SRGAP2: variants seen among roughly 807,000 people sequenced by gnomAD.
SRGAP2 encodes SLIT-ROBO Rho GTPase-activating protein 2.
In SRGAP2, 15 loss-of-function variants were observed where a neutral mutation model predicts 57.2. The ratio of observed to expected loss-of-function variants is 0.26; its 90% CI spans 0.18 to 0.40. SRGAP2 has a LOEUF of 0.40. Among genes scored for constraint, SRGAP2 ranks in the 10% least tolerant of loss-of-function variants. The pLI is 1.00. For missense variants in SRGAP2, 520 were observed against 669.6 expected (o/e 0.78, Z 2.47); for synonymous variants, 249 against 248.0 (o/e 1.00, Z -0.04).
At chr1:206,319,186 C>T (rs373035913) in intron 3 of SRGAP2, among the ~76,000 whole-genome samples, 13,918 of 140,334 alleles carry the variant, frequency 0.099, 1,108 homozygotes, top group African/African-American at 0.28. Context: ...CCGAGGCGGG[C>T]GGATCACGAG....
At chr1:206,314,535 G>A (rs2102805822) in intron 3 of SRGAP2, among the ~76,000 whole-genome samples, 1 of 152,348 alleles carries the variant, frequency 6.6e-6, no homozygotes, top group Middle Eastern at 3.4e-3. Flanking sequence ...GGTGTTGGAA[G>A]AGTATTGAAG....
intron 2 of SRGAP2, among the ~76,000 whole-genome samples, chr1:206,234,677 G>C (rs1233680677): frequency 1.3e-5 from 2 of 152,146 alleles, no homozygotes; most frequent in Non-Finnish European, 2.9e-5. Flanking sequence ...CAGAGACTTA[G>C]TTGAAAGCCC....
chr1:206,461,356 C>T lies in SRGAP2; in HGVS notation c.3152C>T (p.Ala1051Val), dbSNP rs1553380692. 1 of 780,886 alleles carries T rather than the reference C, an allele frequency of 1.3e-6. No individual in the cohort carries two copies. Among genetic ancestry groups the T allele is most frequent in the African/African-American group, 1.7e-5 (1 of 59,286 alleles). The allele number at this position is 780,886 out of a possible 1,614,324, so 48.4% of individuals were successfully genotyped here. ...CCCACTGTCTTCCCCAAAACAAATG[C>T]CACTAGCCCTGGTGTCAACTCATCA... ...PKPTVFPKTN[A>V]TSPGVNSSTS... Residue 1051 changes from alanine (A) to valine (V), a missense_variant, in exon 23 of 23, where the codon GCC becomes GTC. Coordinates refer to ENST00000573034, the MANE Select transcript of SRGAP2 (RefSeq NM_015326.5).
intron 16 of SRGAP2, among the ~76,000 whole-genome samples, chr1:206,439,324 T>G (rs1662060509): frequency 6.6e-6 from 1 of 152,110 alleles, no homozygotes; most frequent in African/African-American, 2.4e-5. Flanking sequence ...TCCTTCCCAA[T>G]ATCACTACAT....
In SRGAP2 at chr1:206,454,419, C is replaced by T. The variant is rs996702236; in HGVS notation, c.2361-459C>T. 7.2e-6 allele frequency: 4 copies of T among 553,120 alleles called. No homozygotes were observed. The highest frequency in any genetic ancestry group is 3.8e-5 in the African/African-American group (2 of 52,748). The allele number at this position is 553,120 out of a possible 1,614,324, so 34.3% of individuals were successfully genotyped here. A position where few individuals can be genotyped will look rare whatever the true frequency, so the allele number is the denominator to read the frequency against. On this transcript the variant is annotated intron_variant, in intron 20 of 22. Transcript: ENST00000573034. This position sits in a 1 kb window ranked among gnomAD's most constrained non-coding sequence, Gnocchi z 4.3. ...GCTCTGAGCGGGGCTAGAGGCGCTA[C>T]GACAGTGTGTGGCGGTGTCCTGCCA...
chr1:206,326,509 A>G (rs1365917944), intron 3 of SRGAP2, among the ~76,000 whole-genome samples: 2 of 152,190 alleles, frequency 1.3e-5, no homozygotes, highest in Admixed American at 6.5e-5. Flanking sequence ...TAACTCTTTC[A>G]GCACCAGCCC....
intron 13 of SRGAP2, among the ~76,000 whole-genome samples, chr1:206,422,854 C>T (rs1272311747): frequency 1.3e-5 from 2 of 152,200 alleles, no homozygotes; most frequent in African/African-American, 4.8e-5. Context: ...CCAAAATCCC[C>T]AATCCAATAA....
At position 206,453,450 on chromosome 1, in the gene SRGAP2, G is replaced by C. The variant is rs1572196171; in HGVS notation, c.2360+70G>C. 7 of 503,084 alleles carry C rather than the reference G, an allele frequency of 1.4e-5. No individual in the cohort carries two copies. In the East Asian group the frequency reaches 2.4e-4, roughly 17 times the overall value. 31.2% of individuals were successfully genotyped at this position (503,084 alleles called of 1,614,324 possible). A position where few individuals can be genotyped will look rare whatever the true frequency, so the allele number is the denominator to read the frequency against. Reference sequence around the variant, plus strand: ...CTATGGGAGTGAGACTTCATTTCTGGAGCCATAGGACTATGAGGGAGGCCA... The same window carrying C: ...CTATGGGAGTGAGACTTCATTTCTGCAGCCATAGGACTATGAGGGAGGCCA... On this transcript the variant is annotated intron_variant, in intron 20 of 22. Coordinates refer to ENST00000573034, the MANE Select transcript of SRGAP2 (RefSeq NM_015326.5).
At chr1:206,327,592 G>A (rs868993450) in intron 3 of SRGAP2, among the ~76,000 whole-genome samples, 3 of 123,916 alleles carry the variant, frequency 2.4e-5, no homozygotes, top group Non-Finnish European at 4.8e-5. Flanking sequence ...CACCTTGTTT[G>A]ATTGGATCTT....
intron 2 of SRGAP2, among the ~76,000 whole-genome samples, chr1:206,241,886 A>T (rs1553309272): frequency 7.0e-6 from 1 of 142,456 alleles, no homozygotes; most frequent in Non-Finnish European, 1.5e-5. Context: ...TATTATTATT[A>T]TTTTTTAATG....
intron 2 of SRGAP2, among the ~76,000 whole-genome samples, chr1:206,292,136 T>G (rs1671362766): frequency 6.6e-6 from 1 of 152,194 alleles, no homozygotes; most frequent in African/African-American, 2.4e-5. Context: ...TGCTTGGTCT[T>G]GTGGGACATC....
At chr1:206,295,698 C>T (rs1392692780) in intron 2 of SRGAP2, among the ~76,000 whole-genome samples, 6 of 150,372 alleles carry the variant, frequency 4.0e-5, no homozygotes, top group African/African-American at 1.2e-4. Flanking sequence ...ATATCTTGTG[C>T]AATTATGTAA....
At chr1:206,358,102 A>G (rs1388286088) in intron 4 of SRGAP2, among the ~76,000 whole-genome samples, 3 of 151,698 alleles carry the variant, frequency 2.0e-5, no homozygotes, top group Non-Finnish European at 2.9e-5. Context: ...TGTCTTGCTC[A>G]TTGTCTTAGA....
At chr1:206,237,019 G>C (rs1667946261) in intron 2 of SRGAP2, among the ~76,000 whole-genome samples, 1 of 144,632 alleles carries the variant, frequency 6.9e-6, no homozygotes, top group Non-Finnish European at 1.5e-5. Context: ...TCATCATCTA[G>C]CTAGCATTTT....
Position 206,454,472 on chromosome 1 carries a change from A to G in SRGAP2, c.2361-406A>G. On this transcript the variant is annotated intron_variant, in intron 20 of 22. Coordinates refer to ENST00000573034, the MANE Select transcript of SRGAP2 (RefSeq NM_015326.5). The surrounding 1 kb of genome is among the most constrained non-coding windows in gnomAD (Gnocchi z 4.3). ...ACGCCGCCGTCTCCAGAGCCACCACACAGTTGACTGTCCTTACCCGGCAGT... is the reference window on the plus strand; with the variant it reads ...ACGCCGCCGTCTCCAGAGCCACCACGCAGTTGACTGTCCTTACCCGGCAGT... The G allele has an allele frequency of 2.1e-6, 1 of 472,254 alleles. No individual in the cohort carries two copies. Among genetic ancestry groups the G allele is most frequent in the Non-Finnish European group, 3.8e-6 (1 of 265,722 alleles). 29.3% of individuals were successfully genotyped at this position (472,254 alleles called of 1,614,324 possible). A position where few individuals can be genotyped will look rare whatever the true frequency, so the allele number is the denominator to read the frequency against.
In SRGAP2 at chr1:206,461,322, C is replaced by T. The variant is rs782819407; in HGVS notation, c.3118C>T (p.Arg1040Trp). ...TGCCCCGGTCAAACCACCAGCCACA[C>T]GGCCCAAGCCCACTGTCTTCCCCAA... ...MAAPVKPPAT[R>W]PKPTVFPKTN... is the part of the protein sequence containing the mutation. Residue 1040 changes from arginine to tryptophan, a missense_variant, in exon 23 of 23, where the codon CGG (arginine) becomes TGG (tryptophan). Around this residue, in one of 5 missense-constraint regions of SRGAP2, gnomAD observed 478 missense variants for 373.6 expected, o/e 1.28. Coordinates refer to ENST00000573034, the MANE Select transcript of SRGAP2 (RefSeq NM_015326.5). 15 of 780,974 alleles carry T rather than the reference C, an allele frequency of 1.9e-5. No homozygotes were observed. In the East Asian group the frequency reaches 3.4e-4, roughly 18 times the overall value. 48.4% of individuals were successfully genotyped at this position (780,974 alleles called of 1,614,324 possible).
intron 3 of SRGAP2, among the ~76,000 whole-genome samples, chr1:206,335,032 C>G (rs1243425043): frequency 5.3e-5 from 8 of 150,088 alleles, no homozygotes; most frequent in Non-Finnish European, 1.2e-4. Context: ...TCTTTTTAAG[C>G]TGAGAAACGT....
Position 206,372,144 on chromosome 1 carries a change from A to G in SRGAP2, c.424-11870A>G, listed in dbSNP as rs1355261642. On this transcript the variant is annotated intron_variant, in intron 4 of 22. Transcript: ENST00000573034. ...CAACCCTGTGGGGTTTTAAATATGT[A>G]TAAAATTAATATAAATGGCAACAAT... 2.7e-5 allele frequency among the ~76,000 whole-genome samples: 2 copies of G among 75,350 alleles called. 1 individual carries two copies. The highest frequency in any genetic ancestry group is 2.6e-4 in the Admixed American group (2 of 7,728). 49.4% of individuals were successfully genotyped at this position (75,350 alleles called of 152,430 possible).
At chr1:206,415,382 G>A (rs1471005913) in intron 10 of SRGAP2, among the ~76,000 whole-genome samples, 3 of 152,232 alleles carry the variant, frequency 2.0e-5, no homozygotes, top group South Asian at 2.1e-4. Context: ...AATAGAGAAG[G>A]AAGCTGTTGA....
Sources: gnomAD v4.1 joint callset for allele counts (sites outside exome capture counted in the v4.1 genomes callset) on GRCh38, gnomAD v4.1.1 for gene constraint, gnomAD v4.1.1 regional missense constraint, Gnocchi (gnomAD v3.1) non-coding constraint, MANE v1.5 for transcripts, NCBI Gene and HGNC (gene_info 2026-07-23, HGNC 2026-07-21) for gene names.